The following NCKAP5 variants were observed in gnomAD, a reference collection of about 807,000 sequenced individuals.
NCKAP5 encodes the protein nck-associated protein 5.
In NCKAP5, 92 loss-of-function variants were observed where a neutral mutation model predicts 167.0. That is an observed-to-expected ratio of 0.55 (90% CI 0.47 to 0.66). The LOEUF (loss-of-function observed/expected upper bound fraction) is 0.66, where lower values mean the gene tolerates loss of function less well. Ranked by LOEUF, NCKAP5 falls within the 30% of genes least tolerant of loss-of-function variation. NCKAP5 has a pLI of 0.00. For synonymous variants in NCKAP5, 891 were observed against 877.4 expected, an observed-to-expected ratio of 1.02 and a Z score of -0.27; for missense variants, 2,378 against 2,315.0, an observed-to-expected ratio of 1.03 and a Z score of -0.56.
the NCKAP5 span, among the ~76,000 whole-genome samples, chr2:133,650,716 A>AG: frequency 2.0e-5 from 3 of 149,432 alleles, no homozygotes; most frequent in East Asian, 3.9e-4. Flanking sequence ...CTCTGGAGCG[A>AG]GAAAAAAAAA....
chr2:132,976,172 A>C (rs2076971819), intron 7 of NCKAP5, among the ~76,000 whole-genome samples: 1 of 152,224 alleles, frequency 6.6e-6, no homozygotes, highest in Admixed American at 6.5e-5. Context: ...ATGGAATCTA[A>C]AGAAGATGAA....
intron 19 of NCKAP5, among the ~76,000 whole-genome samples, chr2:132,696,785 A>C (rs1687358666): frequency 6.6e-6 from 1 of 152,204 alleles, no homozygotes; most frequent in South Asian, 2.1e-4. Context: ...TGACCATGGT[A>C]ACCATCCATA....
chr2:133,484,169 C>G (rs1680702664), intron 3 of NCKAP5, among the ~76,000 whole-genome samples: 1 of 152,150 alleles, frequency 6.6e-6, no homozygotes, highest in African/African-American at 2.4e-5. Context: ...TCTATCAGAA[C>G]TGCACCTCTA....
At chr2:133,243,208 G>A (rs1483420573) in intron 4 of NCKAP5, among the ~76,000 whole-genome samples, 1 of 152,100 alleles carries the variant, frequency 6.6e-6, no homozygotes, top group East Asian at 1.9e-4. Flanking sequence ...ATTGGCAGGA[G>A]GGGGAGCTGC....
At chr2:133,185,172 T>C (rs912088457) in intron 5 of NCKAP5, among the ~76,000 whole-genome samples, 1 of 152,180 alleles carries the variant, frequency 6.6e-6, no homozygotes, top group Non-Finnish European at 1.5e-5. Context: ...TTCATTCTTC[T>C]GCGTATGGCT....
chr2:132,747,823 A>G (rs1679778015), intron 16 of NCKAP5, among the ~76,000 whole-genome samples: 2 of 152,216 alleles, frequency 1.3e-5, no homozygotes, highest in Admixed American at 1.3e-4. Context: ...CTGAAGTTTA[A>G]GGAGGTCAAT....
chr2:133,029,871 G>T (rs2078824778), intron 6 of NCKAP5, among the ~76,000 whole-genome samples: 1 of 152,118 alleles, frequency 6.6e-6, no homozygotes, highest in Admixed American at 6.6e-5. Flanking sequence ...ATCGATTTTG[G>T]AAACCCATTG....
In NCKAP5 at chr2:133,278,023, C is replaced by T. The variant is rs539829884; in HGVS notation, c.143+25014G>A. On this transcript the variant is annotated intron_variant, in intron 4 of 19. Transcript: ENST00000409261. ...GATCTAAATGTAAATAATGAAACCA[C>T]GCCATCACAAGGAATAAAAAACCAC... Among the ~76,000 whole-genome samples the T allele has an allele frequency of 5.9e-5, 9 of 152,200 alleles. No homozygotes were observed. In the South Asian group the frequency reaches 8.3e-4, roughly 14 times the overall value.
At chr2:133,615,888 C>T in the NCKAP5 span, among the ~76,000 whole-genome samples, 1 of 151,508 alleles carries the variant, frequency 6.6e-6, no homozygotes, top group Non-Finnish European at 1.5e-5. Flanking sequence ...CAAAATTGAC[C>T]ACATAGTTGG....
rs375642659 is a variant in NCKAP5, at chr2:132,912,212, C to G, written c.580-33296G>C. The stretch of plus-strand genomic sequence containing the variant: ...CAGGGACTGCTGTGCCTGAAGTGAG[C>G]CAAGCTCTCGCTCTCTGTGGCACAG... On this transcript the variant is annotated intron_variant, in intron 8 of 19. Transcript: ENST00000409261. Among the ~76,000 whole-genome samples the G allele has an allele frequency of 4.1e-4, 63 of 152,286 alleles. 2 individuals carry two copies. In the South Asian group the frequency reaches 0.011, roughly 27 times the overall value.
the NCKAP5 span, among the ~76,000 whole-genome samples, chr2:133,661,479 T>C: frequency 1.3e-5 from 2 of 152,214 alleles, no homozygotes; most frequent in Non-Finnish European, 2.9e-5. Flanking sequence ...CTGAAAAAAG[T>C]AAAACACAGA....
intron 3 of NCKAP5, among the ~76,000 whole-genome samples, chr2:133,461,170 G>T (rs1276090478): frequency 1.3e-5 from 2 of 152,134 alleles, no homozygotes; most frequent in African/African-American, 2.4e-5. Context: ...CAATCTTCAT[G>T]CTGTGCCCAT....
chr2:132,997,293 A>C (rs72996803), intron 6 of NCKAP5, among the ~76,000 whole-genome samples: 1,658 of 152,284 alleles, frequency 0.011, 20 homozygotes, highest in African/African-American at 0.037. Context: ...TTGGGTTTTC[A>C]GGAAGATGGT....
At chr2:133,180,759 G>A (rs952449939) in intron 5 of NCKAP5, among the ~76,000 whole-genome samples, 28 of 152,050 alleles carry the variant, frequency 1.8e-4, no homozygotes, top group African/African-American at 6.8e-4. Flanking sequence ...GAAAATATAG[G>A]GGAAAAGTTC....
intron 6 of NCKAP5, among the ~76,000 whole-genome samples, chr2:133,040,634 T>TA (rs1250089978): frequency 2.0e-5 from 3 of 152,174 alleles, no homozygotes; most frequent in Non-Finnish European, 4.4e-5. Context: ...GTGGTTCTGA[T>TA]AAAAAACTGT....
intron 1 of NCKAP5, among the ~76,000 whole-genome samples, chr2:133,561,606 G>T (rs1688163027): frequency 2.0e-5 from 3 of 152,082 alleles, no homozygotes; most frequent in Admixed American, 1.3e-4. Context: ...CAATAAACCA[G>T]ATCGTTTCTA....
At chr2:133,647,416 GAAGA>G in the NCKAP5 span, among the ~76,000 whole-genome samples, 22 of 110,228 alleles carry the variant, frequency 2.0e-4, no homozygotes, top group African/African-American at 9.0e-4. Flanking sequence ...AGGAAGGAAG[GAAGA>G]GAAAGAAAGG....
chr2:133,033,000 C>T (rs964778259), intron 6 of NCKAP5, among the ~76,000 whole-genome samples: 8 of 152,262 alleles, frequency 5.3e-5, no homozygotes, highest in African/African-American at 1.7e-4. Flanking sequence ...CACTTCCCAC[C>T]AGCTCCTCCC....
intron 6 of NCKAP5, among the ~76,000 whole-genome samples, chr2:133,048,237 T>G (rs1009839444): frequency 1.3e-5 from 2 of 152,150 alleles, no homozygotes; most frequent in Non-Finnish European, 2.9e-5. Context: ...ATTCACTACT[T>G]GTGGGAACTG....
Sources: allele counts gnomAD v4.1 joint callset (sites outside exome capture counted in the v4.1 genomes callset), GRCh38; gene constraint gnomAD v4.1.1; transcripts MANE v1.5; gene names NCBI Gene and HGNC (gene_info 2026-07-23, HGNC 2026-07-21).